Variants in GRIN3A observed in about 807,000 individuals in gnomAD.
GRIN3A encodes glutamate receptor ionotropic, NMDA 3A.
Under a neutral mutation model 92.4 loss-of-function variants are expected in GRIN3A, and 47 were observed. The ratio of observed to expected loss-of-function variants is 0.51; its 90% CI spans 0.40 to 0.65. The LOEUF (loss-of-function observed/expected upper bound fraction) is 0.65, where lower values mean the gene tolerates loss of function less well. GRIN3A is among the 30% of genes least tolerant of loss of function. GRIN3A has a pLI of 0.00. For missense variants in GRIN3A, 1,324 were observed against 1,393.1 expected (o/e 0.95, Z 0.79); for synonymous variants, 527 against 540.6 (o/e 0.97, Z 0.35).
intron 1 of GRIN3A, among the ~76,000 whole-genome samples, chr9:101,733,852 A>T (rs1456765462): frequency 3.9e-5 from 6 of 151,920 alleles, no homozygotes; most frequent in African/African-American, 1.5e-4. Flanking sequence ...TAGTGGGATC[A>T]CTTTTTTTTT....
intron 7 of GRIN3A, 146 bp from the exon 8 acceptor site, chr9:101,577,990 C>T (rs1827847418): frequency 3.0e-6 from 2 of 659,110 alleles, no homozygotes; most frequent in Admixed American, 2.3e-5. Flanking sequence ...AAAAATAGAT[C>T]AACATTCAGC....
intron 1 of GRIN3A, among the ~76,000 whole-genome samples, chr9:101,695,531 T>G (rs1024420110): frequency 2.0e-5 from 3 of 152,062 alleles, no homozygotes; most frequent in African/African-American, 7.2e-5. Context: ...CCCTGGTTAC[T>G]AGAGCAAGAC....
Position 101,579,342 on chromosome 9 carries a change from T to C in GRIN3A, c.2785A>G (p.Lys929Glu), listed in dbSNP as rs1420204933. ...AGCACAAAGAGCCCAGAGAAGTGTT[T>C]GATGCCCATTTGCAAAGTCTGTGAC... is the stretch of plus-strand genomic sequence containing the variant. ...AVTETLQMGI[K>E]HFSGLFVLLC... Residue 929 changes from lysine (K) to glutamate (E), a missense_variant, in exon 7 of 9, where the codon AAA (lysine) becomes GAA (glutamate). Coordinates refer to ENST00000361820, the MANE Select transcript of GRIN3A (RefSeq NM_133445.3). 4 of 1,613,864 alleles carry C rather than the reference T, an allele frequency of 2.5e-6. No homozygotes were observed. Among genetic ancestry groups the C allele is most frequent in the Non-Finnish European group, 3.4e-6 (4 of 1,179,908 alleles).
intron 1 of GRIN3A, among the ~76,000 whole-genome samples, chr9:101,703,578 TC>T (rs1454953765): frequency 1.3e-5 from 2 of 152,188 alleles, no homozygotes; most frequent in East Asian, 3.8e-4. Context: ...AAACTGTAAG[TC>T]CCTAGAGGGT....
rs941946593 is a variant in GRIN3A at position 101,628,485 on chromosome 9, T to G, written c.2353-84A>C. ...CATTTTTTTCATAATTCTTTGAAAC[T>G]TAATAATAATTCGGAACTTTTCTAA... On this transcript the variant is annotated intron_variant, in intron 3 of 8. Transcript: ENST00000361820. 20 of 1,395,604 alleles carry G rather than the reference T, an allele frequency of 1.4e-5. No homozygotes were observed. The African/African-American group carries it at 2.6e-4, about 18-fold the overall frequency. The allele number at this position is 1,395,604 out of a possible 1,614,324, so 86.5% of individuals were successfully genotyped here. A position where few individuals can be genotyped will look rare whatever the true frequency, so the allele number is the denominator to read the frequency against.
chr9:101,728,531 C>T (rs1830103994), intron 1 of GRIN3A, among the ~76,000 whole-genome samples: 1 of 152,052 alleles, frequency 6.6e-6, no homozygotes. Flanking sequence ...GCATAATGCT[C>T]AAGTTTCAAA....
intron 3 of GRIN3A, among the ~76,000 whole-genome samples, chr9:101,666,966 T>A (rs1387054912): frequency 6.6e-6 from 1 of 152,176 alleles, no homozygotes; most frequent in Admixed American, 6.5e-5. Context: ...TGGATACCAC[T>A]ATACTGTGCT....
intron 4 of GRIN3A, among the ~76,000 whole-genome samples, chr9:101,624,559 A>C (rs901585093): frequency 2.0e-5 from 3 of 152,038 alleles, no homozygotes; most frequent in Admixed American, 6.6e-5. Context: ...TGAACTCATC[A>C]TTTTTTATGG....
At chr9:101,646,725 A>G (rs10989579) in intron 3 of GRIN3A, among the ~76,000 whole-genome samples, 13,396 of 151,084 alleles carry the variant, frequency 0.089, 853 homozygotes, top group East Asian at 0.22. Flanking sequence ...CATTCTAGAG[A>G]TCTTTCTTTG....
At chr9:101,689,503 T>G (rs1269998306) in intron 1 of GRIN3A, among the ~76,000 whole-genome samples, 1 of 152,130 alleles carries the variant, frequency 6.6e-6, no homozygotes, top group Non-Finnish European at 1.5e-5. Context: ...TGGATAATGA[T>G]TAATTCATAT....
intron 4 of GRIN3A, among the ~76,000 whole-genome samples, chr9:101,624,212 T>G (rs1225472845): frequency 6.6e-6 from 1 of 151,528 alleles, no homozygotes; most frequent in East Asian, 1.9e-4. Context: ...TTTAAAAATT[T>G]TTTTTATTTT....
chr9:101,686,750 C>G lies in GRIN3A; in HGVS notation c.1150G>C (p.Val384Leu), dbSNP rs1829541661. Residue 384 changes from valine (V) to leucine (L), a missense_variant, in exon 2 of 9, where the codon GTC becomes CTC. Coordinates refer to ENST00000361820, the MANE Select transcript of GRIN3A (RefSeq NM_133445.3). ...LIAHGKTTQSVFEHYVQDAME... is the reference protein window; with the variant it reads ...LIAHGKTTQSLFEHYVQDAME... Reference sequence around the variant, plus strand: ...GCATCTTGTACGTAGTGCTCAAAGACAGACTGTGTTGTTTTTCCATGAGCA... The same window carrying G: ...GCATCTTGTACGTAGTGCTCAAAGAGAGACTGTGTTGTTTTTCCATGAGCA... The G allele has an allele frequency of 1.9e-6, 3 of 1,614,060 alleles. No homozygotes were observed. The highest frequency in any genetic ancestry group is 1.7e-6 in the Non-Finnish European group (2 of 1,180,030).
chr9:101,692,053 G>A (rs1350716382), intron 1 of GRIN3A, among the ~76,000 whole-genome samples: 1 of 152,208 alleles, frequency 6.6e-6, no homozygotes, highest in Non-Finnish European at 1.5e-5. Context: ...GACTTACAGA[G>A]TTTAGTCACT....
intron 1 of GRIN3A, among the ~76,000 whole-genome samples, chr9:101,698,225 T>A (rs888982329): frequency 9.9e-5 from 15 of 152,244 alleles, no homozygotes; most frequent in Non-Finnish European, 1.5e-5. Flanking sequence ...TGAAATTGTT[T>A]GCTATTTAAT....
intron 1 of GRIN3A, among the ~76,000 whole-genome samples, chr9:101,721,656 G>T (rs1301129081): frequency 6.6e-6 from 1 of 152,162 alleles, no homozygotes; most frequent in Admixed American, 6.5e-5. Context: ...CTCAGTTGAA[G>T]ATGAGCACCA....
chr9:101,622,868 A>G (rs1178855722), intron 5 of GRIN3A, among the ~76,000 whole-genome samples: 1 of 152,058 alleles, frequency 6.6e-6, no homozygotes, highest in African/African-American at 2.4e-5. Context: ...CAGATTTGCT[A>G]GAGTATTTGG....
intron 3 of GRIN3A, among the ~76,000 whole-genome samples, chr9:101,640,465 T>G (rs2118899316): frequency 6.6e-6 from 1 of 152,322 alleles, no homozygotes; most frequent in African/African-American, 2.4e-5. Flanking sequence ...AAATGAGGAT[T>G]AGTGAGATTA....
At chr9:101,615,386 CTTT>C (rs547717146) in intron 5 of GRIN3A, among the ~76,000 whole-genome samples, 18,519 of 124,088 alleles carry the variant, frequency 0.15, 2,267 homozygotes, top group African/African-American at 0.37. Context: ...ATTTTTGTTC[CTTT>C]TTTTTTTTTT....
intron 3 of GRIN3A, among the ~76,000 whole-genome samples, chr9:101,654,842 T>C (rs1365157611): frequency 6.6e-6 from 1 of 151,892 alleles, no homozygotes; most frequent in Non-Finnish European, 1.5e-5. Context: ...ATTTAAGGTC[T>C]AATTATCTTG....
Sources: allele counts gnomAD v4.1 joint callset (sites outside exome capture counted in the v4.1 genomes callset), GRCh38; gene constraint gnomAD v4.1.1; transcripts MANE v1.5; gene names NCBI Gene and HGNC (gene_info 2026-07-23, HGNC 2026-07-21).